RYR2: variants seen among roughly 807,000 people sequenced by gnomAD.
The protein encoded by RYR2 is cardiac muscle ryanodine receptor-calcium release channel.
Under a neutral mutation model 601.1 loss-of-function variants are expected in RYR2, and 227 were observed. That is an observed-to-expected ratio of 0.38 (90% CI 0.34 to 0.42). The LOEUF (loss-of-function observed/expected upper bound fraction) is 0.42, where lower values mean the gene tolerates loss of function less well. Among genes scored for constraint, RYR2 ranks in the 10% least tolerant of loss-of-function variants. RYR2 has a pLI of 1.00. For missense variants in RYR2, 4,646 were observed against 6,156.5 expected (o/e 0.75, Z 8.21); for synonymous variants, 2,223 against 2,175.1 (o/e 1.02, Z -0.61).
chr1:237,127,502 CG>C (rs1441384746), intron 1 of RYR2, among the ~76,000 whole-genome samples: 6 of 150,846 alleles, frequency 4.0e-5, no homozygotes, highest in Non-Finnish European at 7.4e-5. Flanking sequence ...GGCGGCTGGC[CG>C]GGCGGGGGGC....
intron 10 of RYR2, among the ~76,000 whole-genome samples, chr1:237,395,344 G>A (rs1288236798): frequency 1.3e-5 from 2 of 152,088 alleles, no homozygotes; most frequent in Non-Finnish European, 2.9e-5. Flanking sequence ...TAACAAAAAA[G>A]CTTTGCTTTT....
chr1:237,437,025 TTTTA>T (rs1707455501), intron 12 of RYR2, among the ~76,000 whole-genome samples: 1 of 151,460 alleles, frequency 6.6e-6, no homozygotes, highest in Non-Finnish European at 1.5e-5. Flanking sequence ...TCTGGGTCTA[TTTTA>T]TTTATTTATT....
intron 25 of RYR2, among the ~76,000 whole-genome samples, chr1:237,536,424 T>A (rs1383497229): frequency 6.8e-6 from 1 of 147,806 alleles, no homozygotes; most frequent in Non-Finnish European, 1.5e-5. Flanking sequence ...TACAAAAAAT[T>A]AGCCGGGTGG....
At chr1:237,732,509 C>A (rs1374860295) in intron 78 of RYR2, among the ~76,000 whole-genome samples, 1 of 152,116 alleles carries the variant, frequency 6.6e-6, no homozygotes, top group South Asian at 2.1e-4. Context: ...ATGGTGGCCC[C>A]AAATTTTCTG....
At chr1:237,489,485 C>T (rs1176893706) in intron 17 of RYR2, among the ~76,000 whole-genome samples, 6 of 152,126 alleles carry the variant, frequency 3.9e-5, no homozygotes, top group Non-Finnish European at 8.8e-5. Flanking sequence ...GGTGAAACCC[C>T]ATCTCTACTA....
At chr1:237,382,908 G>GTT (rs1189223402) in intron 8 of RYR2, among the ~76,000 whole-genome samples, 120 of 129,648 alleles carry the variant, frequency 9.3e-4, no homozygotes, top group South Asian at 3.7e-3. Context: ...CCCCTCATTT[G>GTT]TTTTTGTTTT....
intron 2 of RYR2, among the ~76,000 whole-genome samples, chr1:237,302,298 T>C (rs559181399): frequency 1.3e-5 from 2 of 152,290 alleles, no homozygotes; most frequent in South Asian, 4.1e-4. Context: ...ACCATCACCT[T>C]AATGGCTTAA....
At chr1:237,073,307 A>G (rs866981172) in intron 1 of RYR2, among the ~76,000 whole-genome samples, 2 of 152,256 alleles carry the variant, frequency 1.3e-5, no homozygotes, top group South Asian at 4.1e-4. Context: ...TTGAATCCAT[A>G]TACAACGTGG....
intron 1 of RYR2, among the ~76,000 whole-genome samples, chr1:237,093,964 C>T (rs1558221253): frequency 6.6e-6 from 1 of 152,050 alleles, no homozygotes; most frequent in Non-Finnish European, 1.5e-5. Flanking sequence ...GGTATTTGGA[C>T]GATGGATGCC....
chr1:237,271,623 T>C (rs1689692379), intron 2 of RYR2, among the ~76,000 whole-genome samples: 1 of 152,170 alleles, frequency 6.6e-6, no homozygotes, highest in African/African-American at 2.4e-5. Context: ...TTTTCATCTC[T>C]TTGAATCTCC....
intron 24 of RYR2, among the ~76,000 whole-genome samples, chr1:237,512,216 GA>G (rs1418302752): frequency 3.9e-5 from 6 of 152,114 alleles, no homozygotes; most frequent in African/African-American, 1.4e-4. Context: ...TACATATATT[GA>G]ATCTAATGAT....
At chr1:237,331,857 A>AT (rs1453025095) in intron 3 of RYR2, among the ~76,000 whole-genome samples, 1 of 152,020 alleles carries the variant, frequency 6.6e-6, no homozygotes, top group Non-Finnish European at 1.5e-5. Flanking sequence ...TTTTTCTTTC[A>AT]AAGCCTATTT....
chr1:237,315,337 C>G (rs893271283), intron 2 of RYR2, among the ~76,000 whole-genome samples: 3 of 151,676 alleles, frequency 2.0e-5, no homozygotes, highest in African/African-American at 4.8e-5. Flanking sequence ...TTTTTCAAAA[C>G]CAGCATAAAC....
intron 38 of RYR2, among the ~76,000 whole-genome samples, chr1:237,620,330 C>T (rs1376704491): frequency 6.6e-6 from 1 of 150,606 alleles, no homozygotes; most frequent in Non-Finnish European, 1.5e-5. Context: ...ACTAGAAAAG[C>T]TGTACAAAGA....
At chr1:237,689,417 AC>A (rs1190112663) in intron 63 of RYR2, among the ~76,000 whole-genome samples, 1 of 152,244 alleles carries the variant, frequency 6.6e-6, no homozygotes, top group Non-Finnish European at 1.5e-5. Context: ...CTCCAGAGGA[AC>A]TATATGTAGA....
At chr1:237,545,762 A>C (rs1232403500) in intron 25 of RYR2, among the ~76,000 whole-genome samples, 3 of 151,924 alleles carry the variant, frequency 2.0e-5, no homozygotes, top group Non-Finnish European at 2.9e-5. Flanking sequence ...ATAAAAAAAA[A>C]AAAAAATACT....
At chr1:237,571,433 G>A (rs1672685463) in intron 29 of RYR2, among the ~76,000 whole-genome samples, 1 of 151,352 alleles carries the variant, frequency 6.6e-6, no homozygotes, top group Admixed American at 6.6e-5. Flanking sequence ...TCCTGCCTCA[G>A]CCTCCCAAGT....
At chr1:237,435,708 A>G (rs552818950) in intron 12 of RYR2, among the ~76,000 whole-genome samples, 2 of 152,328 alleles carry the variant, frequency 1.3e-5, no homozygotes, top group South Asian at 2.1e-4. Context: ...ACTAAGTTAC[A>G]AAACACAAGT....
At chr1:237,559,500 C>A (rs1428854798) in intron 27 of RYR2, among the ~76,000 whole-genome samples, 1 of 152,152 alleles carries the variant, frequency 6.6e-6, no homozygotes, top group Non-Finnish European at 1.5e-5. Flanking sequence ...CCTGCCTCGG[C>A]CTCCCAAAGT....
Sources: allele counts gnomAD v4.1 joint callset (sites outside exome capture counted in the v4.1 genomes callset), GRCh38; gene constraint gnomAD v4.1.1; transcripts MANE v1.5; gene names NCBI Gene and HGNC (gene_info 2026-07-23, HGNC 2026-07-21).